Variants in ACTA2 observed in about 807,000 individuals in gnomAD.
The protein encoded by ACTA2 is actin, aortic smooth muscle.
ACTA2 carries 12 observed loss-of-function variants against 39.5 expected under a neutral mutation model. That is an observed-to-expected ratio of 0.30 (90% CI 0.19 to 0.49). The LOEUF (loss-of-function observed/expected upper bound fraction) is 0.49, where lower values mean the gene tolerates loss of function less well. ACTA2 is among the 20% of genes least tolerant of loss of function. ACTA2 has a pLI of 0.99. For missense variants in ACTA2, 236 were observed against 498.8 expected, an observed-to-expected ratio of 0.47 and a Z score of 5.02; for synonymous variants, 158 against 180.6, an observed-to-expected ratio of 0.88 and a Z score of 1.00.
intron 7 of ACTA2, 124 bp from the exon 8 acceptor site, chr10:88,938,366 T>A: frequency 9.2e-7 from 1 of 1,081,414 alleles, no homozygotes; most frequent in Non-Finnish European, 1.4e-6. Context: ...CATAATAATC[T>A]AGGAACCACC....
chr10:88,966,750 C>G (rs1846325002), intron 1 of ACTA2, among the ~76,000 whole-genome samples: 1 of 152,138 alleles, frequency 6.6e-6, no homozygotes, highest in Admixed American at 6.6e-5. Context: ...TTTCAGGGCT[C>G]CTGAGCAGGT....
At position 88,990,535 on chromosome 10, in the gene ACTA2, C is replaced by T; in HGVS notation, c.-24+404G>A. ...TCACCCTGACTTCTCCCCCTCCCTA[C>T]CCGCGCGCAGGCCAAGTTGCTGAAT... On this transcript the variant is annotated intron_variant, in intron 1 of 4. Transcript: ENST00000415557. The surrounding 1 kb of genome is among the most constrained non-coding windows in gnomAD (Gnocchi z 4.9). 3.2e-6 allele frequency: 2 copies of T among 617,636 alleles called. No homozygotes were observed. Among genetic ancestry groups the T allele is most frequent in the Non-Finnish European group, 6.0e-6 (2 of 331,348 alleles). The allele number at this position is 617,636 out of a possible 1,614,324, so 38.3% of individuals were successfully genotyped here.
At chr10:88,977,360 C>A (rs972789319) in intron 1 of ACTA2, among the ~76,000 whole-genome samples, 11 of 150,952 alleles carry the variant, frequency 7.3e-5, no homozygotes, top group African/African-American at 2.7e-4. Flanking sequence ...AGGAAGGGAT[C>A]CAGTTTCAGC....
chr10:88,967,927 T>TGTTA (rs1216789477), intron 1 of ACTA2, among the ~76,000 whole-genome samples: 1 of 152,142 alleles, frequency 6.6e-6, no homozygotes, highest in African/African-American at 2.4e-5. Flanking sequence ...CTCAAGAGTT[T>TGTTA]GTTAGTATGA....
At chr10:88,980,968 G>A (rs1381062244) in intron 1 of ACTA2, among the ~76,000 whole-genome samples, 1 of 152,196 alleles carries the variant, frequency 6.6e-6, no homozygotes, top group African/African-American at 2.4e-5. Context: ...GGAGGCTTTG[G>A]TTTGCCTTAT....
chr10:88,952,756 C>T lies in ACTA2; in HGVS notation c.-49G>A, dbSNP rs1053093477. 1 of 152,298 alleles carries T rather than the reference C, an allele frequency of 6.6e-6. No individual in the cohort carries two copies. Among genetic ancestry groups the T allele is most frequent in the Non-Finnish European group, 1.5e-5 (1 of 68,098 alleles). The allele number at this position is 152,298 out of a possible 1,614,324, so 9.4% of individuals were successfully genotyped here. A position where few individuals can be genotyped will look rare whatever the true frequency, so the allele number is the denominator to read the frequency against. ...CCTGACAGTGCTTGGCTGGGCTGCT[C>T]CACACTGGGTGGTGTTCAGGGAAGC... On this transcript the variant is annotated 5_prime_UTR_variant, in exon 1 of 9. Coordinates refer to ENST00000224784, the MANE Select transcript of ACTA2 (RefSeq NM_001613.4).
chr10:88,962,953 ATATATATATATATATATATATATAATATT>A (rs1179925393), intron 1 of ACTA2, among the ~76,000 whole-genome samples: 1 of 15,294 alleles, frequency 6.5e-5, no homozygotes, highest in African/African-American at 7.0e-4. Flanking sequence ...ATATATATAT[ATATATATATATATATATATATATAATATT>A]TTTTTTTTTG....
intron 1 of ACTA2, among the ~76,000 whole-genome samples, chr10:88,981,383 C>T (rs199687700): frequency 6.7e-6 from 1 of 149,604 alleles, no homozygotes; most frequent in African/African-American, 2.5e-5. Flanking sequence ...AGAGAAATGA[C>T]TTTTTTTTTT....
chr10:88,960,644 A>G (rs987705119), intron 1 of ACTA2, among the ~76,000 whole-genome samples: 3 of 147,744 alleles, frequency 2.0e-5, no homozygotes, highest in Non-Finnish European at 3.1e-5. Flanking sequence ...GGTTCCTGGA[A>G]TATATGGCCA....
chr10:88,940,636 T>G lies in ACTA2; in HGVS notation c.616+593A>C, dbSNP rs115804700. The stretch of plus-strand genomic sequence containing the variant: ...CACTTTCCTCTTGTGAAGGGAGGAC[T>G]GGGTGCACCGGCTTAGAATCTGAAT... On this transcript the variant is annotated intron_variant, in intron 6 of 8. Coordinates refer to ENST00000224784, the MANE Select transcript of ACTA2 (RefSeq NM_001613.4). 1,551 of 170,506 alleles carry G rather than the reference T, an allele frequency of 9.1e-3. 24 individuals carry two copies. Among genetic ancestry groups the G allele is most frequent in the African/African-American group, 0.035 (1,453 of 42,048 alleles). The allele number at this position is 170,506 out of a possible 1,614,324, so 10.6% of individuals were successfully genotyped here.
At chr10:88,981,403 G>T (rs533440198) in intron 1 of ACTA2, among the ~76,000 whole-genome samples, 2 of 150,922 alleles carry the variant, frequency 1.3e-5, no homozygotes, top group Middle Eastern at 3.4e-3. Context: ...TTAAAGAACT[G>T]GCCATTGCTT....
At chr10:88,968,977 C>T (rs1289305589) in intron 1 of ACTA2, among the ~76,000 whole-genome samples, 1 of 151,994 alleles carries the variant, frequency 6.6e-6, no homozygotes, top group Admixed American at 6.6e-5. Context: ...CCCCCAACCC[C>T]CACCCCGCAA....
chr10:88,981,119 G>T (rs1846700200), intron 1 of ACTA2, among the ~76,000 whole-genome samples: 1 of 152,210 alleles, frequency 6.6e-6, no homozygotes, highest in Non-Finnish European at 1.5e-5. Flanking sequence ...ATATCCAAGA[G>T]AGAGCGGGGC....
chr10:88,942,764 C>T (rs1050366689), intron 4 of ACTA2, among the ~76,000 whole-genome samples: 1 of 151,190 alleles, frequency 6.6e-6, no homozygotes, highest in Admixed American at 6.6e-5. Context: ...TTTGCCTTCA[C>T]ACCACTGACA....
intron 6 of ACTA2, 56 bp from the exon 7 acceptor site, chr10:88,939,754 G>T: frequency 1.9e-6 from 3 of 1,571,074 alleles, no homozygotes; most frequent in South Asian, 1.1e-5. Context: ...AGGTGGCAAA[G>T]ATTCACCTGC....
At chr10:88,950,979 T>C (rs1846039434) in intron 1 of ACTA2, among the ~76,000 whole-genome samples, 1 of 152,228 alleles carries the variant, frequency 6.6e-6, no homozygotes, top group African/African-American at 2.4e-5. Flanking sequence ...CTTTGCTTTC[T>C]TTCCACACTG....
chr10:88,955,091 G>A (rs142202864), upstream of ACTA2, among the ~76,000 whole-genome samples: 84 of 151,554 alleles, frequency 5.5e-4, 3 homozygotes, highest in South Asian at 0.017. Flanking sequence ...GCAGTTCAGG[G>A]ACACTATAAA....
chr10:88,957,853 C>T (rs1306165836), intron 1 of ACTA2, among the ~76,000 whole-genome samples: 1 of 152,056 alleles, frequency 6.6e-6, no homozygotes, highest in African/African-American at 2.4e-5. Context: ...CTGCAACAAC[C>T]GCCTACCGGG....
intron 1 of ACTA2, among the ~76,000 whole-genome samples, chr10:88,958,073 T>A (rs1484066361): frequency 6.6e-6 from 1 of 152,176 alleles, no homozygotes; most frequent in Non-Finnish European, 1.5e-5. Flanking sequence ...TCTACCCAAC[T>A]AATTTTGGTT....
Sources: allele counts gnomAD v4.1 joint callset (sites outside exome capture counted in the v4.1 genomes callset), GRCh38; gene constraint gnomAD v4.1.1; non-coding constraint Gnocchi (gnomAD v3.1); transcripts MANE v1.5; gene names NCBI Gene and HGNC (gene_info 2026-07-23, HGNC 2026-07-21).